CNTN1: variants seen among roughly 807,000 people sequenced by gnomAD.
CNTN1 encodes contactin-1.
In CNTN1, 38 loss-of-function variants were observed where a neutral mutation model predicts 126.4. That is an observed-to-expected ratio of 0.30 (90% confidence interval 0.23 to 0.39). The LOEUF (loss-of-function observed/expected upper bound fraction) is 0.39. Ranked by LOEUF, CNTN1 falls within the 10% of genes least tolerant of loss-of-function variation. CNTN1 has a pLI of 1.00. For synonymous variants in CNTN1, 413 were observed against 422.6 expected (o/e 0.98, Z 0.28); for missense variants, 1,009 against 1,248.4 (o/e 0.81, Z 2.89).
At chr12:40,879,214 C>T (rs565360937) in intron 1 of CNTN1, among the ~76,000 whole-genome samples, 8 of 152,168 alleles carry the variant, frequency 5.3e-5, no homozygotes, top group Non-Finnish European at 1.0e-4. Flanking sequence ...TTATAAACAG[C>T]ACACTTTACT....
At chr12:41,069,917 G>A in intron 23 of CNTN1, 42 bp from the exon 24 acceptor site, 1 of 1,501,840 alleles carries the variant, frequency 6.7e-7, no homozygotes, top group Non-Finnish European at 9.3e-7. Flanking sequence ...ATAGTGACAT[G>A]TATCAATGAA....
chr12:40,721,405 A>G (rs531316997), intron 1 of CNTN1, among the ~76,000 whole-genome samples: 2 of 152,230 alleles, frequency 1.3e-5, no homozygotes, highest in South Asian at 4.1e-4. Context: ...AAGGTCTCTA[A>G]AAACATCAAC....
At position 40,872,208 on chromosome 12, in the gene CNTN1, TTGTTTGTGTGTG is replaced by T. The variant is rs1189447530; in HGVS notation, c.-76-36145_-76-36134del. 5.4e-3 allele frequency among the ~76,000 whole-genome samples: 666 copies of T among 124,138 alleles called. 5 individuals carry two copies. Among genetic ancestry groups the T allele is most frequent in the African/African-American group, 0.015 (492 of 33,880 alleles). 81.4% of individuals were successfully genotyped at this position (124,138 alleles called of 152,430 possible). On this transcript the variant is annotated intron_variant, in intron 1 of 23. Coordinates refer to ENST00000551295, the MANE Select transcript of CNTN1 (RefSeq NM_001843.4). The stretch of plus-strand genomic sequence containing the variant: ...ATTTCGGTAGGGTTTTTCCGTTGCT[TTGTTTGTGTGTG>T]TGTGTGTGTGTGTGTGTGTGTGTGT...
chr12:40,984,075 G>A (rs761932835), intron 16 of CNTN1, among the ~76,000 whole-genome samples: 23 of 149,248 alleles, frequency 1.5e-4, no homozygotes, highest in Non-Finnish European at 3.0e-4. Flanking sequence ...ATGAAATAAA[G>A]CTATCTAGGG....
intron 14 of CNTN1, among the ~76,000 whole-genome samples, chr12:40,951,243 A>T (rs1192326499): frequency 1.3e-5 from 2 of 152,140 alleles, no homozygotes; most frequent in Non-Finnish European, 2.9e-5. Context: ...TTCAGCTGTC[A>T]TTCTCGTTGT....
chr12:41,039,991 C>A (rs924742551), intron 23 of CNTN1, among the ~76,000 whole-genome samples: 1 of 151,992 alleles, frequency 6.6e-6, no homozygotes, highest in African/African-American at 2.4e-5. Flanking sequence ...AACTAAAGAA[C>A]AATTTTTCCC....
chr12:40,956,473 G>T (rs1408701054), intron 14 of CNTN1, among the ~76,000 whole-genome samples: 2 of 152,064 alleles, frequency 1.3e-5, no homozygotes, highest in African/African-American at 4.8e-5. Context: ...AAGACTTGCT[G>T]GAGAAAATGA....
chr12:41,061,484 T>C (rs1949938256), intron 23 of CNTN1, among the ~76,000 whole-genome samples: 1 of 152,096 alleles, frequency 6.6e-6, no homozygotes, highest in African/African-American at 2.4e-5. Context: ...GGGTTCACAA[T>C]TGCCAAACGA....
At chr12:40,902,457 G>A (rs1199672440) in intron 1 of CNTN1, among the ~76,000 whole-genome samples, 1 of 152,118 alleles carries the variant, frequency 6.6e-6, no homozygotes, top group Admixed American at 6.5e-5. Flanking sequence ...ACTTTGTAGT[G>A]AATGTTGTTC....
At position 40,972,083 on chromosome 12, in the gene CNTN1, G is replaced by A. The variant is rs541752223; in HGVS notation, c.1805-8826G>A. The A allele has an allele frequency of 9.7e-5, 96 of 985,560 alleles. No individual in the cohort carries two copies. In the African/African-American group the frequency reaches 1.6e-3, roughly 16 times the overall value. The allele number at this position is 985,560 out of a possible 1,614,324, so 61.1% of individuals were successfully genotyped here. A position where few individuals can be genotyped will look rare whatever the true frequency, so the allele number is the denominator to read the frequency against. ...TGAAGTCCTACCATGGCTCTGTAGG[G>A]TTTTTGGAACAATTCCTGGAATTGG... On this transcript the variant is annotated intron_variant, in intron 15 of 23. Transcript: ENST00000551295.
intron 1 of CNTN1, among the ~76,000 whole-genome samples, chr12:40,736,420 G>GA (rs915651435): frequency 1.6e-4 from 24 of 151,712 alleles, no homozygotes; most frequent in African/African-American, 5.1e-4. Context: ...ATTCACATGA[G>GA]AAAAAAAATA....
chr12:40,906,429 C>T (rs558114359), intron 1 of CNTN1, among the ~76,000 whole-genome samples: 10 of 152,046 alleles, frequency 6.6e-5, no homozygotes, highest in African/African-American at 2.2e-4. Context: ...CCATATATTA[C>T]CATGGTCCAG....
chr12:40,988,642 G>A (rs1948025161), intron 16 of CNTN1, among the ~76,000 whole-genome samples: 1 of 151,988 alleles, frequency 6.6e-6, no homozygotes, highest in Non-Finnish European at 1.5e-5. Context: ...TAAGCCTTAG[G>A]GCCTCAAGGC....
intron 1 of CNTN1, among the ~76,000 whole-genome samples, chr12:40,693,575 G>A (rs1353716828): frequency 6.6e-6 from 1 of 152,206 alleles, no homozygotes; most frequent in African/African-American, 2.4e-5. Flanking sequence ...TTGGGATGAT[G>A]GGAAAGAGGG....
intron 1 of CNTN1, among the ~76,000 whole-genome samples, chr12:40,743,311 T>G (rs1031829712): frequency 2.6e-5 from 4 of 151,996 alleles, no homozygotes; most frequent in African/African-American, 7.2e-5. Flanking sequence ...TGTGATGCTA[T>G]TGAGTTTGAA....
At chr12:40,944,292 C>T (rs1375250868) in intron 14 of CNTN1, 122 bp downstream of exon 14, 6 of 881,452 alleles carry the variant, frequency 6.8e-6, no homozygotes, top group Admixed American at 2.2e-5. Context: ...AAAAAGCAGG[C>T]AAAAAAGCTT....
chr12:41,054,308 T>A (rs1360169691), intron 23 of CNTN1, among the ~76,000 whole-genome samples: 1 of 151,904 alleles, frequency 6.6e-6, no homozygotes. Flanking sequence ...GTATTATACA[T>A]ATTTCCTAGA....
intron 1 of CNTN1, among the ~76,000 whole-genome samples, chr12:40,857,979 G>A (rs1390613545): frequency 6.6e-6 from 1 of 152,120 alleles, no homozygotes; most frequent in South Asian, 2.1e-4. Context: ...CAATTTCTTT[G>A]GGTTAGGAGC....
intron 1 of CNTN1, among the ~76,000 whole-genome samples, chr12:40,746,552 G>A (rs1938193503): frequency 6.6e-6 from 1 of 152,058 alleles, no homozygotes; most frequent in Non-Finnish European, 1.5e-5. Flanking sequence ...GGCCCAATAG[G>A]TAACTTGAAG....
Sources: allele counts gnomAD v4.1 joint callset (sites outside exome capture counted in the v4.1 genomes callset), GRCh38; gene constraint gnomAD v4.1.1; transcripts MANE v1.5; gene names NCBI Gene and HGNC (gene_info 2026-07-23, HGNC 2026-07-21).